NRXN3: variants seen among roughly 807,000 people sequenced by gnomAD.
The protein encoded by NRXN3 is neurexin III.
In NRXN3, 32 loss-of-function variants were observed where a neutral mutation model predicts 137.6. The ratio of observed to expected loss-of-function variants is 0.23; its 90% CI spans 0.18 to 0.31. The LOEUF (loss-of-function observed/expected upper bound fraction) is 0.31, where lower values mean the gene tolerates loss of function less well. NRXN3 is among the 10% of genes least tolerant of loss of function. The pLI is 1.00. For synonymous variants in NRXN3, 798 were observed against 784.5 expected (o/e 1.02, Z -0.29); for missense variants, 1,574 against 2,062.5 (o/e 0.76, Z 4.59).
chr14:79,379,974 A>G (rs2094418859), intron 15 of NRXN3, among the ~76,000 whole-genome samples: 1 of 151,906 alleles, frequency 6.6e-6, no homozygotes, highest in African/African-American at 2.4e-5. Context: ...CCATAGACCT[A>G]AAAAGAAAAA....
At chr14:79,751,901 C>G (rs998338402) in intron 19 of NRXN3, among the ~76,000 whole-genome samples, 2 of 152,058 alleles carry the variant, frequency 1.3e-5, no homozygotes, top group Non-Finnish European at 1.5e-5. Flanking sequence ...TTGAACCAGC[C>G]TTGCATCCCA....
At position 79,261,401 on chromosome 14, in the gene NRXN3, G is replaced by A. The variant is rs77481752; in HGVS notation, c.3263-205820G>A. 7.7e-3 allele frequency among the ~76,000 whole-genome samples: 1,165 copies of A among 152,168 alleles called. 23 individuals are homozygous for A. The South Asian group carries it at 0.077, about 10-fold the overall frequency. ...TTGCATTCTTGGAGCAGATCTGTTC[G>A]GTTCCAGACTAGAGATGCAGAAAGG... is the stretch of plus-strand genomic sequence containing the variant. On this transcript the variant is annotated intron_variant, in intron 15 of 20. Coordinates refer to ENST00000335750, the MANE Select transcript of NRXN3 (RefSeq NM_001330195.2).
intron 8 of NRXN3, among the ~76,000 whole-genome samples, chr14:78,725,080 T>C (rs2098477072): frequency 6.6e-6 from 1 of 152,240 alleles, no homozygotes. Context: ...AACAGAGCCT[T>C]CTAAGAGGCC....
At chr14:78,632,555 A>AT (rs1478642216) in intron 4 of NRXN3, among the ~76,000 whole-genome samples, 1 of 152,162 alleles carries the variant, frequency 6.6e-6, no homozygotes, top group African/African-American at 2.4e-5. Flanking sequence ...ATTGGCTTGT[A>AT]TTTTGGATCT....
intron 3 of NRXN3, among the ~76,000 whole-genome samples, chr14:78,289,425 C>T (rs1028736677): frequency 6.6e-6 from 1 of 152,090 alleles, no homozygotes; most frequent in African/African-American, 2.4e-5. Flanking sequence ...TGCTTGGTGT[C>T]TTTGGAGATC....
rs144885140 is a variant in NRXN3 at position 78,969,353 on chromosome 14, T to C, written c.3142+1007T>C. On this transcript the variant is annotated intron_variant, in intron 14 of 20. Coordinates refer to ENST00000335750, the MANE Select transcript of NRXN3 (RefSeq NM_001330195.2). Reference sequence around the variant, plus strand: ...GAACACATTCAGCCTTCCCTAGTAGTCTTGGGTTGGCTGAAAACGTGACTG... The same window carrying C: ...GAACACATTCAGCCTTCCCTAGTAGCCTTGGGTTGGCTGAAAACGTGACTG... 3.9e-4 allele frequency among the ~76,000 whole-genome samples: 60 copies of C among 152,278 alleles called. No homozygotes were observed. In the East Asian group the frequency reaches 5.6e-3, roughly 14 times the overall value.
intron 10 of NRXN3, among the ~76,000 whole-genome samples, chr14:78,871,879 G>A (rs530762963): frequency 1.7e-4 from 26 of 152,120 alleles, no homozygotes; most frequent in African/African-American, 6.0e-4. Context: ...ATATTACTGG[G>A]TTTTGCTAAA....
At chr14:78,176,306 A>G (rs1366380959) in intron 1 of NRXN3, among the ~76,000 whole-genome samples, 1 of 151,836 alleles carries the variant, frequency 6.6e-6, no homozygotes, top group African/African-American at 2.4e-5. Flanking sequence ...TCATCATCAT[A>G]GTAGTGGTAG....
At chr14:78,668,145 T>A (rs2097903940) in intron 6 of NRXN3, among the ~76,000 whole-genome samples, 1 of 152,204 alleles carries the variant, frequency 6.6e-6, no homozygotes, top group South Asian at 2.1e-4. Context: ...TTCTTATGGA[T>A]GATGTTTAAA....
chr14:78,409,145 T>C (rs897810697), intron 4 of NRXN3, among the ~76,000 whole-genome samples: 2 of 152,214 alleles, frequency 1.3e-5, no homozygotes, highest in African/African-American at 4.8e-5. Flanking sequence ...AAGCAAGTCA[T>C]ATCATTTCCT....
intron 15 of NRXN3, among the ~76,000 whole-genome samples, chr14:79,238,322 ATTAAG>A (rs1327106702): frequency 6.6e-6 from 1 of 152,180 alleles, no homozygotes; most frequent in African/African-American, 2.4e-5. Context: ...AATATTAATC[ATTAAG>A]TTATTTGTGT....
chr14:79,348,562 A>G (rs1183182203), intron 15 of NRXN3, among the ~76,000 whole-genome samples: 1 of 151,992 alleles, frequency 6.6e-6, no homozygotes, highest in Non-Finnish European at 1.5e-5. Flanking sequence ...ATTTTTTAGT[A>G]GAGACAGGGT....
At chr14:78,881,852 A>G (rs2152652565) in intron 10 of NRXN3, among the ~76,000 whole-genome samples, 1 of 151,722 alleles carries the variant, frequency 6.6e-6, no homozygotes, top group East Asian at 1.9e-4. Context: ...TCACCATGAT[A>G]ATGGGGAAAA....
intron 16 of NRXN3, among the ~76,000 whole-genome samples, chr14:79,543,454 A>G (rs779927349): frequency 6.6e-6 from 1 of 152,082 alleles, no homozygotes; most frequent in Non-Finnish European, 1.5e-5. Flanking sequence ...CCTGACAGAG[A>G]GATGGATGTG....
At chr14:78,283,789 G>A (rs61976011) in intron 3 of NRXN3, among the ~76,000 whole-genome samples, 5,124 of 152,264 alleles carry the variant, frequency 0.034, 118 homozygotes, top group African/African-American at 0.064. Context: ...GATTACAGGT[G>A]TGAGCCACCT....
rs56226324 is a variant in NRXN3 at position 79,034,349 on chromosome 14, T to TAC, written c.3262+46236_3262+46237dup. ...TACTATAATTATGGTTCTTATTTCT[T>TAC]ACACACACACACACACACACACACA... On this transcript the variant is annotated intron_variant, in intron 15 of 20. Coordinates refer to ENST00000335750, the MANE Select transcript of NRXN3 (RefSeq NM_001330195.2). Among the ~76,000 whole-genome samples, 689 of 144,528 alleles carry TAC rather than the reference T, an allele frequency of 4.8e-3. 6 individuals carry two copies. The highest frequency in any genetic ancestry group is 0.013 in the African/African-American group (498 of 38,026). The allele number at this position is 144,528 out of a possible 152,430, so 94.8% of individuals were successfully genotyped here.
intron 19 of NRXN3, among the ~76,000 whole-genome samples, chr14:79,759,888 G>A (rs112665703): frequency 6.6e-5 from 10 of 151,716 alleles, no homozygotes; most frequent in African/African-American, 1.5e-4. Context: ...ATGGGGTCAC[G>A]TGGGAAGACA....
chr14:79,697,402 T>C (rs927107709), intron 18 of NRXN3, among the ~76,000 whole-genome samples: 7 of 151,980 alleles, frequency 4.6e-5, no homozygotes, highest in Non-Finnish European at 8.8e-5. Context: ...TATGAAGGAA[T>C]AGAGACTTGA....
chr14:79,406,189 A>G (rs1278095754), intron 15 of NRXN3, among the ~76,000 whole-genome samples: 1 of 151,858 alleles, frequency 6.6e-6, no homozygotes, highest in African/African-American at 2.4e-5. Flanking sequence ...CAAGCCCTAC[A>G]TTCCCACAGC....
Sources: gnomAD v4.1 joint callset for allele counts (sites outside exome capture counted in the v4.1 genomes callset) on GRCh38, gnomAD v4.1.1 for gene constraint, MANE v1.5 for transcripts, NCBI Gene and HGNC (gene_info 2026-07-23, HGNC 2026-07-21) for gene names.